CCDC175: variants seen among roughly 807,000 people sequenced by gnomAD.
The protein encoded by CCDC175 is coiled-coil domain containing 175.
In CCDC175, 100 loss-of-function variants were observed where a neutral mutation model predicts 114.6. The observed-to-expected ratio is 0.87, with a 90% confidence interval of 0.74 to 1.03. The LOEUF is 1.03. Ranked by LOEUF, CCDC175 falls within the 50% of genes least tolerant of loss-of-function variation. The pLI, the probability that CCDC175 is intolerant of heterozygous loss-of-function variation, is 0.00. For missense variants in CCDC175, 880 were observed against 917.8 expected, an observed-to-expected ratio of 0.96 and a Z score of 0.53; for synonymous variants, 306 against 308.7, an observed-to-expected ratio of 0.99 and a Z score of 0.09.
chr14:59,509,579 C>T (rs376724135), intron 19 of CCDC175, among the ~76,000 whole-genome samples: 25 of 152,204 alleles, frequency 1.6e-4, no homozygotes, highest in African/African-American at 6.0e-4. Context: ...GTGGCACAAT[C>T]ATGGCTAACT....
chr14:59,514,510 A>C (rs1355857375), intron 17 of CCDC175, among the ~76,000 whole-genome samples: 1 of 152,236 alleles, frequency 6.6e-6, no homozygotes, highest in East Asian at 1.9e-4. Context: ...CGAGAACTAC[A>C]TGACAAATGC....
chr14:59,511,172 T>C (rs1892719280), intron 18 of CCDC175, among the ~76,000 whole-genome samples: 2 of 152,180 alleles, frequency 1.3e-5, no homozygotes, highest in South Asian at 2.1e-4. Context: ...TAAATTCCCA[T>C]ACGTTCATGA....
rs532643655 is a variant in CCDC175 at position 59,574,293 on chromosome 14, A to G, written c.243+650T>C. Among the ~76,000 whole-genome samples, 6 of 152,334 alleles carry G rather than the reference A, an allele frequency of 3.9e-5. No individual in the cohort carries two copies. The South Asian group carries it at 1.2e-3, about 32-fold the overall frequency. Reference sequence around the variant, plus strand: ...GTAAATTCTTATCCAATATTTTTAAATAAAATGGAGAGCCTTCACTACTCT... The same window carrying G: ...GTAAATTCTTATCCAATATTTTTAAGTAAAATGGAGAGCCTTCACTACTCT... On this transcript the variant is annotated intron_variant, in intron 2 of 19. Coordinates refer to ENST00000537690, the MANE Select transcript of CCDC175 (RefSeq NM_001164399.2).
chr14:59,546,236 A>G (rs1316378778), intron 8 of CCDC175, among the ~76,000 whole-genome samples: 2 of 152,310 alleles, frequency 1.3e-5, no homozygotes, highest in Admixed American at 1.3e-4. Context: ...AATACTGCAT[A>G]TTCTCATTTA....
chr14:59,521,666 T>A lies in CCDC175; in HGVS notation c.2006A>T (p.Tyr669Phe). The A allele has an allele frequency of 6.7e-7, 1 of 1,501,102 alleles. No individual in the cohort carries two copies. The highest frequency in any genetic ancestry group is 9.0e-7 in the Non-Finnish European group (1 of 1,114,282). 93.0% of individuals were successfully genotyped at this position (1,501,102 alleles called of 1,614,324 possible). Residue 669 changes from tyrosine to phenylalanine, a missense_variant, in exon 17 of 20, where the codon TAC (tyrosine) becomes TTC (phenylalanine). Coordinates refer to ENST00000537690, the MANE Select transcript of CCDC175 (RefSeq NM_001164399.2). ...ENKKLKEYIL[Y>F]LKNNIEKYRE... ...GTATTTCTCTATGTTATTCTTCAAGTATAAAATATACTGAAAATTAAAAGC... is the reference window on the plus strand; with the variant it reads ...GTATTTCTCTATGTTATTCTTCAAGAATAAAATATACTGAAAATTAAAAGC...
At chr14:59,536,836 C>T (rs1246759051) in intron 13 of CCDC175, among the ~76,000 whole-genome samples, 1 of 152,202 alleles carries the variant, frequency 6.6e-6, no homozygotes, top group Non-Finnish European at 1.5e-5. Flanking sequence ...GGCTGGAGTG[C>T]AGTGGTGTGA....
Position 59,561,181 on chromosome 14 carries a change from T to C in CCDC175, c.891A>G (p.Ile297Met), listed in dbSNP as rs1302028677. The C allele has an allele frequency of 2.6e-6, 4 of 1,535,890 alleles. No homozygotes were observed. In the Admixed American group the frequency reaches 7.8e-5, roughly 30 times the overall value. ...NLEIARLHES[I>M]RYWEQEVSEL... ...CACTGACCTCTTGTTCCCAATACCT[T>C]ATTGATTCGTGTAGTCGTGCTATCT... The change falls in exon 7 of 20, where the codon ATA becomes ATG. Residue 297 changes from isoleucine (I) to methionine (M), a missense_variant. Transcript: ENST00000537690.
rs147855147 is a variant in CCDC175, at chr14:59,526,312, G to A, written c.1842+783C>T. On this transcript the variant is annotated intron_variant, in intron 15 of 19. Transcript: ENST00000537690. ...CTTCATATTTTATAACGTATTAAAA[G>A]TTACATTTTGAAGCCTGGTGCAGTA... Among the ~76,000 whole-genome samples, 22 of 151,872 alleles carry A rather than the reference G, an allele frequency of 1.4e-4. No individual in the cohort carries two copies. The East Asian group carries it at 3.3e-3, about 23-fold the overall frequency.
chr14:59,575,076 T>A (rs1447120266), intron 1 of CCDC175, 48 bp from the exon 2 acceptor site: 9 of 1,078,938 alleles, frequency 8.3e-6, no homozygotes, highest in Non-Finnish European at 1.2e-5. Flanking sequence ...TCTATCCAAA[T>A]CCTACTTAAC....
chr14:59,538,249 C>T lies in CCDC175; in HGVS notation c.1492-95G>A, dbSNP rs752811731. 9.0e-4 allele frequency: 934 copies of T among 1,042,600 alleles called. 3 individuals are homozygous for T. Among genetic ancestry groups the T allele is most frequent in the Middle Eastern group, 2.1e-3 (10 of 4,730 alleles). The allele number at this position is 1,042,600 out of a possible 1,614,324, so 64.6% of individuals were successfully genotyped here. ...GAAATTAATATCTCTTTGCAGGAGG[C>T]CTGCTTCTGATTTCAGTTCATATAA... On this transcript the variant is annotated intron_variant, in intron 12 of 19. Transcript: ENST00000537690.
intron 2 of CCDC175, 66 bp downstream of exon 2, chr14:59,574,877 G>A (rs954878179): frequency 1.2e-6 from 1 of 835,170 alleles, no homozygotes; most frequent in Admixed American, 2.6e-5. Context: ...CAGAATTGGT[G>A]CGAAATGAAA....
At chr14:59,514,345 G>A (rs546869394) in intron 17 of CCDC175, among the ~76,000 whole-genome samples, 1 of 152,194 alleles carries the variant, frequency 6.6e-6, no homozygotes, top group East Asian at 1.9e-4. Context: ...AGAGAAGAAG[G>A]CTTCAGACGA....
chr14:59,535,949 A>G (rs1894368982), intron 13 of CCDC175, among the ~76,000 whole-genome samples: 1 of 152,216 alleles, frequency 6.6e-6, no homozygotes, highest in Admixed American at 6.5e-5. Context: ...GAGGTGGTAC[A>G]AGGATGCAGG....
intron 6 of CCDC175, among the ~76,000 whole-genome samples, chr14:59,561,942 C>A (rs1896244605): frequency 6.6e-6 from 1 of 152,190 alleles, no homozygotes; most frequent in Non-Finnish European, 1.5e-5. Flanking sequence ...ATATTTAATG[C>A]CATCTAACCC....
chr14:59,531,692 T>TA, intron 14 of CCDC175, 80 bp downstream of exon 14: 1 of 1,023,226 alleles, frequency 9.8e-7, no homozygotes, highest in Non-Finnish European at 1.4e-6. Context: ...GGCTTGTAAC[T>TA]GATGACCTCC....
At chr14:59,571,182 A>G (rs1896829143) in intron 3 of CCDC175, among the ~76,000 whole-genome samples, 1 of 152,086 alleles carries the variant, frequency 6.6e-6, no homozygotes, top group Admixed American at 6.5e-5. Flanking sequence ...TCGAAGACCT[A>G]AACATAAGAG....
At chr14:59,557,383 C>T (rs571138985) in intron 7 of CCDC175, among the ~76,000 whole-genome samples, 1 of 149,890 alleles carries the variant, frequency 6.7e-6, no homozygotes, top group Non-Finnish European at 1.5e-5. Flanking sequence ...ACCAAACATC[C>T]CATGTTCTCA....
At chr14:59,548,793 C>T (rs935060069) in intron 8 of CCDC175, among the ~76,000 whole-genome samples, 6 of 152,182 alleles carry the variant, frequency 3.9e-5, no homozygotes, top group African/African-American at 1.4e-4. Flanking sequence ...ATCTCTCATG[C>T]TGATAGCTCA....
chr14:59,536,923 G>A (rs2140023509), intron 13 of CCDC175, among the ~76,000 whole-genome samples: 1 of 152,216 alleles, frequency 6.6e-6, no homozygotes, highest in South Asian at 2.1e-4. Flanking sequence ...TGGGATTACA[G>A]GGGCATGCCA....
Sources: allele counts gnomAD v4.1 joint callset (sites outside exome capture counted in the v4.1 genomes callset), GRCh38; gene constraint gnomAD v4.1.1; transcripts MANE v1.5; gene names NCBI Gene and HGNC (gene_info 2026-07-23, HGNC 2026-07-21).